The following GPHN variants were observed in gnomAD, a reference collection of about 807,000 sequenced individuals.
GPHN encodes the protein gephyrin.
Under a neutral mutation model 95.5 loss-of-function variants are expected in GPHN, and 17 were observed. The observed-to-expected ratio is 0.18, with a 90% CI of 0.12 to 0.27. The LOEUF (loss-of-function observed/expected upper bound fraction) is 0.27, where lower values mean the gene tolerates loss of function less well. GPHN is among the 10% of genes least tolerant of loss of function. GPHN has a pLI of 1.00. For synonymous variants in GPHN, 320 were observed against 322.5 expected (o/e 0.99, Z 0.08); for missense variants, 660 against 978.1 (o/e 0.67, Z 4.34).
Position 67,181,260 on chromosome 14 carries a change from A to C in GPHN, c.*323A>C. 1 of 452,636 alleles carries C rather than the reference A, an allele frequency of 2.2e-6. No individual in the cohort carries two copies. The highest frequency in any genetic ancestry group is 4.1e-6 in the Non-Finnish European group (1 of 244,268). 28.0% of individuals were successfully genotyped at this position (452,636 alleles called of 1,614,324 possible). A position where few individuals can be genotyped will look rare whatever the true frequency, so the allele number is the denominator to read the frequency against. On this transcript the variant is annotated 3_prime_UTR_variant, in exon 23 of 23. Coordinates refer to ENST00000478722, the MANE Select transcript of GPHN (RefSeq NM_020806.5). ...TGCCTGCAGAACTTGTGTTTTTCTCATCTTTAAAATACAACTACTTATGCT... is the reference window on the plus strand; with the variant it reads ...TGCCTGCAGAACTTGTGTTTTTCTCCTCTTTAAAATACAACTACTTATGCT...
At chr14:66,761,819 C>T (rs2058767569) in intron 2 of GPHN, among the ~76,000 whole-genome samples, 1 of 152,062 alleles carries the variant, frequency 6.6e-6, no homozygotes, top group South Asian at 2.1e-4. Flanking sequence ...ACCACCACTC[C>T]CAGCTAATTT....
chr14:67,246,586 C>A, the GPHN span, among the ~76,000 whole-genome samples: 1 of 151,986 alleles, frequency 6.6e-6, no homozygotes, highest in Non-Finnish European at 1.5e-5. Context: ...AGGGATCCTT[C>A]CACCTCAACC....
intron 17 of GPHN, among the ~76,000 whole-genome samples, chr14:67,132,734 G>A (rs2079798601): frequency 6.6e-6 from 1 of 151,868 alleles, no homozygotes; most frequent in South Asian, 2.1e-4. Flanking sequence ...TGTAGCTTTA[G>A]ACATTGTTTT....
intron 1 of GPHN, among the ~76,000 whole-genome samples, chr14:66,648,601 T>A (rs1250396643): frequency 6.6e-6 from 1 of 152,192 alleles, no homozygotes; most frequent in Non-Finnish European, 1.5e-5. Flanking sequence ...GGCTATACTA[T>A]ATAGCCTAGC....
chr14:67,540,989 A>G, the GPHN span, among the ~76,000 whole-genome samples: 1 of 152,114 alleles, frequency 6.6e-6, no homozygotes, highest in East Asian at 1.9e-4. Flanking sequence ...AATTTGTACA[A>G]ATTTTTTTCC....
At chr14:67,188,820 TTTTTCTTTCTTTCTTTC>T in the GPHN span, among the ~76,000 whole-genome samples, 1 of 151,880 alleles carries the variant, frequency 6.6e-6, no homozygotes, top group Admixed American at 6.6e-5. Flanking sequence ...TTTCTTTTTC[TTTTTCTTTCTTTCTTTC>T]TTTTCTTTCT....
chr14:67,302,642 T>C, the GPHN span: 9 of 1,191,126 alleles, frequency 7.6e-6, no homozygotes, highest in Non-Finnish European at 1.0e-5. Flanking sequence ...GAATAAAATA[T>C]TTTTAAAATA....
At chr14:67,572,012 A>G in the GPHN span, 1,374,305 of 1,481,084 alleles carry the variant, frequency 0.93, 645,399 homozygotes, top group Non-Finnish European at 0.97. Context: ...GTGACCCCCC[A>G]GCAGCTCCAC....
At chr14:66,899,594 G>C (rs913562823) in intron 5 of GPHN, among the ~76,000 whole-genome samples, 1 of 151,864 alleles carries the variant, frequency 6.6e-6, no homozygotes. Flanking sequence ...TATTGAGCTG[G>C]TCTTGAATTC....
In GPHN at chr14:66,508,448, G is replaced by C. The variant is rs1481184647; in HGVS notation, c.-80G>C. ...GCTCCCTAGCTGTCGCGCTCTCCTC[G>C]GCGAGCGCGCTCCCGGCCCGCGCGC... On this transcript the variant is annotated 5_prime_UTR_variant, in exon 1 of 23. Transcript: ENST00000478722. 1.1e-5 allele frequency: 15 copies of C among 1,312,272 alleles called. No individual in the cohort carries two copies. The highest frequency in any genetic ancestry group is 1.7e-5 in the Non-Finnish European group (15 of 905,394). The allele number at this position is 1,312,272 out of a possible 1,614,324, so 81.3% of individuals were successfully genotyped here. A position where few individuals can be genotyped will look rare whatever the true frequency, so the allele number is the denominator to read the frequency against.
intron 11 of GPHN, among the ~76,000 whole-genome samples, chr14:67,075,517 T>C (rs1409898379): frequency 2.6e-5 from 4 of 152,218 alleles, no homozygotes; most frequent in Non-Finnish European, 5.9e-5. Context: ...TATAAGGCTA[T>C]ACTTGCCATA....
intron 9 of GPHN, among the ~76,000 whole-genome samples, chr14:66,980,661 TA>T (rs2070596667): frequency 6.6e-6 from 1 of 152,110 alleles, no homozygotes; most frequent in East Asian, 1.9e-4. Flanking sequence ...ATTAAAACTA[TA>T]TAGAACTTTA....
intron 5 of GPHN, among the ~76,000 whole-genome samples, chr14:66,888,253 TAGACATACC>T (rs2064300742): frequency 6.6e-6 from 1 of 152,012 alleles, no homozygotes; most frequent in Admixed American, 6.6e-5. Context: ...CAACTATACC[TAGACATACC>T]ATCTTCAAAC....
At chr14:66,561,762 C>T (rs534017875) in intron 1 of GPHN, among the ~76,000 whole-genome samples, 1 of 152,042 alleles carries the variant, frequency 6.6e-6, no homozygotes, top group African/African-American at 2.4e-5. Context: ...AAATGTTGTG[C>T]CTTAAGCAAT....
chr14:67,366,305 C>T, the GPHN span, among the ~76,000 whole-genome samples: 18 of 152,222 alleles, frequency 1.2e-4, no homozygotes, highest in African/African-American at 4.3e-4. Context: ...GAACTGGGCT[C>T]AAGCGATTCT....
At chr14:66,735,275 C>G (rs1467231174) in intron 2 of GPHN, among the ~76,000 whole-genome samples, 1 of 152,050 alleles carries the variant, frequency 6.6e-6, no homozygotes, top group Non-Finnish European at 1.5e-5. Flanking sequence ...TTCGCAGTTT[C>G]AGTGTTAGAT....
intron 18 of GPHN, among the ~76,000 whole-genome samples, chr14:67,158,416 G>C (rs1049255063): frequency 2.1e-4 from 32 of 152,208 alleles, no homozygotes; most frequent in African/African-American, 7.5e-4. Flanking sequence ...TACTACTGTG[G>C]GGAGAATGAA....
intron 1 of GPHN, among the ~76,000 whole-genome samples, chr14:66,623,711 C>CAA (rs1416398116): frequency 4.0e-5 from 6 of 151,596 alleles, no homozygotes; most frequent in Middle Eastern, 3.2e-3. Context: ...CCCCCCTTTA[C>CAA]CCTGACATCA....
chr14:67,626,642 T>C, the GPHN span, among the ~76,000 whole-genome samples: 1 of 152,222 alleles, frequency 6.6e-6, no homozygotes, highest in Non-Finnish European at 1.5e-5. Flanking sequence ...AGCTAACTTT[T>C]GTATTTTTAA....
Sources: allele counts gnomAD v4.1 joint callset (sites outside exome capture counted in the v4.1 genomes callset), GRCh38; gene constraint gnomAD v4.1.1; transcripts MANE v1.5; gene names NCBI Gene and HGNC (gene_info 2026-07-23, HGNC 2026-07-21).